RABL2B: variants seen among roughly 807,000 people sequenced by gnomAD.
RABL2B encodes rab-like protein 2B.
RABL2B carries 17 observed loss-of-function variants against 26.7 expected under a neutral mutation model. The ratio of observed to expected loss-of-function variants is 0.64; its 90% confidence interval spans 0.44 to 0.95. RABL2B has a LOEUF of 0.95. Among genes scored for constraint, RABL2B ranks in the 40% least tolerant of loss-of-function variants. The pLI, the probability that RABL2B is intolerant of heterozygous loss-of-function variation, is 0.00. For synonymous variants in RABL2B, 70 were observed against 103.9 expected (o/e 0.67, Z 1.99); for missense variants, 170 against 277.2 (o/e 0.61, Z 2.75).
intron 2 of RABL2B, among the ~76,000 whole-genome samples, chr22:50,779,722 A>G (rs111231340): frequency 2.0e-5 from 3 of 152,246 alleles, no homozygotes; most frequent in African/African-American, 7.2e-5. Context: ...GGTGGCTCAC[A>G]CCTGTAATCC....
At chr22:50,775,292 G>A (rs1454160638) in intron 5 of RABL2B, among the ~76,000 whole-genome samples, 1 of 152,070 alleles carries the variant, frequency 6.6e-6, no homozygotes, top group East Asian at 1.9e-4. Flanking sequence ...AGGGGGAGCC[G>A]TGAGGACTGC....
At chr22:50,782,032 C>T (rs368433941) in intron 2 of RABL2B, among the ~76,000 whole-genome samples, 156 bp downstream of exon 2, 3 of 152,088 alleles carry the variant, frequency 2.0e-5, no homozygotes, top group East Asian at 1.9e-4. Context: ...CAACGGCTCA[C>T]GTGATTCCCC....
chr22:50,776,822 T>C (rs1465147611), intron 3 of RABL2B, 73 bp from the exon 4 acceptor site: 40 of 1,538,642 alleles, frequency 2.6e-5, no homozygotes, highest in Non-Finnish European at 2.9e-5. Context: ...GGTGTTTGGT[T>C]TGATGAAATG....
intron 5 of RABL2B, chr22:50,771,412 G>GA (rs1555918489): frequency 6.6e-6 from 1 of 150,752 alleles, no homozygotes; most frequent in Non-Finnish European, 1.5e-5. Context: ...GAGTAGCTGG[G>GA]ATTACAGGTG....
At position 50,767,535 on chromosome 22, in the gene RABL2B, A is replaced by C. The variant is rs1195420225; in HGVS notation, c.*1241T>G. The C allele has an allele frequency of 3.0e-6, 1 of 336,302 alleles. No homozygotes were observed. The highest frequency in any genetic ancestry group is 5.8e-6 in the Non-Finnish European group (1 of 172,726). The allele number at this position is 336,302 out of a possible 1,614,324, so 20.8% of individuals were successfully genotyped here. Reference sequence around the variant, plus strand: ...TGTAATTCAGCCTTTACTGTAAAAAAGGAAACAACAAAAACAAAACCCTAT... The same window carrying C: ...TGTAATTCAGCCTTTACTGTAAAAACGGAAACAACAAAAACAAAACCCTAT... On this transcript the variant is annotated 3_prime_UTR_variant, in exon 9 of 9. Coordinates refer to ENST00000691320, the MANE Select transcript of RABL2B (RefSeq NM_001130919.3).
rs1555923241 is a variant in RABL2B at position 50,775,813 on chromosome 22, T to G, written c.256A>C (p.Met86Leu). The G allele has an allele frequency of 1.2e-6, 2 of 1,614,188 alleles. No individual in the cohort carries two copies. Among genetic ancestry groups the G allele is most frequent in the Non-Finnish European group, 1.7e-6 (2 of 1,180,036 alleles). Residue 86 changes from methionine (M) to leucine (L), a missense_variant, in exon 5 of 9, where the codon ATG becomes CTG. By Grantham distance (15) the Met-to-Leu change is conservative (BLOSUM62 2). Transcript: ENST00000691320. ...DTAGQERFQS[M>L]HASYYHKAHA... Reference sequence around the variant, plus strand: ...GCCTTGTGGTAGTAGGAGGCATGCATGCTCTGGAACCGCTCCTGGCCTGCC... The same window carrying G: ...GCCTTGTGGTAGTAGGAGGCATGCAGGCTCTGGAACCGCTCCTGGCCTGCC...
chr22:50,775,707 T>C, intron 5 of RABL2B, 65 bp downstream of exon 5: 2 of 1,555,566 alleles, frequency 1.3e-6, no homozygotes, highest in Non-Finnish European at 1.8e-6. Context: ...CCAGGGCTGC[T>C]AGGCCCCTCA....
Position 50,777,959 on chromosome 22 carries a change from C to G in RABL2B, c.130G>C (p.Asp44His). 1 of 1,614,132 alleles carries G rather than the reference C, an allele frequency of 6.2e-7. No individual in the cohort carries two copies. The highest frequency in any genetic ancestry group is 8.5e-7 in the Non-Finnish European group (1 of 1,180,020). Residue 44 changes from aspartate to histidine, a missense_variant, in exon 3 of 9, where the codon GAT (aspartate) becomes CAT (histidine). Around this residue, in one of 2 missense-constraint regions of RABL2B, gnomAD observed 165 missense variants for 232.0 expected, o/e 0.71. Transcript: ENST00000691320. ...KSKLMERFLMDGFQPQQLSTY... is the reference protein window; with the variant it reads ...KSKLMERFLMHGFQPQQLSTY... Reference sequence around the variant, plus strand: ...TCAAACCTTGAAGGATACAAGCCATCCATGAGAAATCTCTCCATGAGTCTG... The same window carrying G: ...TCAAACCTTGAAGGATACAAGCCATGCATGAGAAATCTCTCCATGAGTCTG...
At chr22:50,780,624 T>C (rs2085677690) in intron 2 of RABL2B, 4 of 466,958 alleles carry the variant, frequency 8.6e-6, no homozygotes, top group South Asian at 3.1e-5. Context: ...TTCCCTCAGA[T>C]GCACTGTTTC....
intron 4 of RABL2B, 83 bp downstream of exon 4, chr22:50,776,587 C>G: frequency 6.5e-7 from 1 of 1,540,394 alleles, no homozygotes; most frequent in Non-Finnish European, 8.8e-7. Context: ...TGGACTCTCT[C>G]CTTATGAACC....
chr22:50,776,832 G>C (rs1313585664), intron 3 of RABL2B, 83 bp from the exon 4 acceptor site: 8 of 1,516,048 alleles, frequency 5.3e-6, no homozygotes, highest in Non-Finnish European at 6.3e-6. Flanking sequence ...TTGATGAAAT[G>C]GATCCTCTCC....
At chr22:50,779,600 T>C (rs1318952958) in intron 2 of RABL2B, among the ~76,000 whole-genome samples, 2 of 151,910 alleles carry the variant, frequency 1.3e-5, no homozygotes, top group African/African-American at 4.8e-5. Flanking sequence ...TTAACGGGAA[T>C]GGAAGACCCT....
intron 1 of RABL2B, 148 bp from the exon 2 acceptor site, chr22:50,782,495 G>A (rs1229090384): frequency 3.0e-6 from 4 of 1,339,736 alleles, no homozygotes; most frequent in African/African-American, 1.4e-5. Context: ...AGCAGAGTAT[G>A]ACACACAGGC....
At chr22:50,774,927 G>A (rs1338704487) in intron 5 of RABL2B, among the ~76,000 whole-genome samples, 4 of 151,982 alleles carry the variant, frequency 2.6e-5, no homozygotes, top group Non-Finnish European at 4.4e-5. Context: ...ACAGGCACCC[G>A]CCACCATGCC....
At position 50,769,465 on chromosome 22, in the gene RABL2B, T is replaced by C. The variant is rs781812282; in HGVS notation, c.497A>G (p.Asn166Ser). The C allele has an allele frequency of 1.1e-5, 18 of 1,611,648 alleles. No individual in the cohort carries two copies. Among genetic ancestry groups the C allele is most frequent in the Non-Finnish European group, 1.4e-5 (17 of 1,179,124 alleles). The change falls in exon 7 of 9, where the codon AAT (asparagine) becomes AGT (serine). Residue 166 changes from asparagine to serine, a missense_variant. This residue lies in a region of RABL2B where 165 missense variants were observed against 232.0 expected (regional missense o/e 0.71). Coordinates refer to ENST00000691320, the MANE Select transcript of RABL2B (RefSeq NM_001130919.3). ...LYFVSAADGT[N>S]VVKLFNDAIR... ...TGCAGTCAACCACACCTTCACAACA[T>C]TGGTACCATCAGCAGCCGAGACGAA...
At chr22:50,780,865 T>A in intron 2 of RABL2B, 1 of 393,292 alleles carries the variant, frequency 2.5e-6, no homozygotes, top group South Asian at 2.0e-5. Context: ...CCGAAAGTTC[T>A]GTTTGTTATT....
chr22:50,778,921 T>C (rs2085384576), intron 2 of RABL2B, among the ~76,000 whole-genome samples: 2 of 149,902 alleles, frequency 1.3e-5, no homozygotes, highest in Non-Finnish European at 3.0e-5. Context: ...AGGATAGATT[T>C]TATTTATAAC....
intron 2 of RABL2B, among the ~76,000 whole-genome samples, chr22:50,779,526 G>A (rs9616974): frequency 0.074 from 11,239 of 152,002 alleles, 428 homozygotes; most frequent in African/African-American, 0.09. Context: ...CACACCATGT[G>A]GCCTTAGTTT....
At chr22:50,779,824 C>T (rs1240541602) in intron 2 of RABL2B, among the ~76,000 whole-genome samples, 2 of 151,824 alleles carry the variant, frequency 1.3e-5, no homozygotes, top group Non-Finnish European at 2.9e-5. Flanking sequence ...GCTAAAAATA[C>T]AAAAAAATTA....
Sources: gnomAD v4.1 joint callset for allele counts (sites outside exome capture counted in the v4.1 genomes callset) on GRCh38, gnomAD v4.1.1 for gene constraint, gnomAD v4.1.1 regional missense constraint, MANE v1.5 for transcripts, NCBI Gene and HGNC (gene_info 2026-07-23, HGNC 2026-07-21) for gene names.